Variants in GRIP1 observed in about 807,000 individuals in gnomAD.
GRIP1 encodes glutamate receptor-interacting protein 1.
A neutral mutation model predicts 129.9 loss-of-function variants in GRIP1; 45 were observed. The ratio of observed to expected loss-of-function variants is 0.35; its 90% CI spans 0.27 to 0.44. The LOEUF is 0.44. Among genes scored for constraint, GRIP1 ranks in the 20% least tolerant of loss-of-function variants. The pLI is 1.00. For synonymous variants in GRIP1, 530 were observed against 520.8 expected (o/e 1.02, Z -0.24); for missense variants, 1,196 against 1,396.8 (o/e 0.86, Z 2.29).
At chr12:66,359,733 T>C (rs190468228) in intron 23 of GRIP1, among the ~76,000 whole-genome samples, 1 of 152,320 alleles carries the variant, frequency 6.6e-6, no homozygotes, top group East Asian at 1.9e-4. Flanking sequence ...AGCCTAGTAA[T>C]GGCAAATTAA....
intron 1 of GRIP1, among the ~76,000 whole-genome samples, chr12:67,006,136 T>C (rs1565635523): frequency 6.6e-6 from 1 of 151,952 alleles, no homozygotes; most frequent in Non-Finnish European, 1.5e-5. Flanking sequence ...CGTAAATAAA[T>C]ATATAGGGAA....
At chr12:66,475,572 T>C (rs2059580618) in intron 7 of GRIP1, among the ~76,000 whole-genome samples, 2 of 152,182 alleles carry the variant, frequency 1.3e-5, no homozygotes, top group African/African-American at 2.4e-5. Context: ...CACCACATAG[T>C]TGGAAGTAAA....
At position 67,019,803 on chromosome 12, in the gene GRIP1, C is replaced by T. The variant is rs559280657; in HGVS notation, c.58+49247G>A. Among the ~76,000 whole-genome samples the T allele has an allele frequency of 1.7e-4, 25 of 151,366 alleles. No individual in the cohort carries two copies. The South Asian group carries it at 1.9e-3, about 11-fold the overall frequency. The stretch of plus-strand genomic sequence containing the variant: ...ATAAACAGTAGATTTATAATATATA[C>T]ACACACACACACGCATACACACAGG... On this transcript the variant is annotated intron_variant, in intron 1 of 1. Transcript: ENST00000643019.
At chr12:66,859,259 G>T (rs1327951572) in intron 1 of GRIP1, among the ~76,000 whole-genome samples, 4 of 21,230 alleles carry the variant, frequency 1.9e-4, no homozygotes, top group Admixed American at 1.1e-3. Flanking sequence ...CACATTTTCT[G>T]AAAAAAAACA....
At chr12:67,028,649 G>C (rs2042974304) in intron 1 of GRIP1, among the ~76,000 whole-genome samples, 1 of 152,080 alleles carries the variant, frequency 6.6e-6, no homozygotes, top group Non-Finnish European at 1.5e-5. Flanking sequence ...ATTAAATGCT[G>C]TGATTCCCTC....
At chr12:66,963,172 A>T (rs2041947339) in intron 1 of GRIP1, among the ~76,000 whole-genome samples, 1 of 151,988 alleles carries the variant, frequency 6.6e-6, no homozygotes, top group Admixed American at 6.6e-5. Context: ...AACATTAGCC[A>T]GGTGTGGTGG....
intron 1 of GRIP1, among the ~76,000 whole-genome samples, chr12:66,830,509 G>GA (rs2039497404): frequency 6.6e-6 from 1 of 152,136 alleles, no homozygotes. Context: ...AGCTGAAAAA[G>GA]GCAAGGTCTC....
At chr12:66,715,452 A>ATGTG (rs36142878) in intron 1 of GRIP1, among the ~76,000 whole-genome samples, 5,871 of 72,568 alleles carry the variant, frequency 0.081, 330 homozygotes, top group East Asian at 0.15. Flanking sequence ...TTGTAGCTTG[A>ATGTG]TGTGTGTGTG....
Position 66,914,361 on chromosome 12 carries a change from G to A in GRIP1, c.58+154689C>T, listed in dbSNP as rs112004485. On this transcript the variant is annotated intron_variant, in intron 1 of 1. Transcript: ENST00000643019. ...GCATTTACATCTTTTATTCATTCAGGTTGTCTAGAAAAAAACATGTAATGG... is the reference window on the plus strand; with the variant it reads ...GCATTTACATCTTTTATTCATTCAGATTGTCTAGAAAAAAACATGTAATGG... Among the ~76,000 whole-genome samples, 479 of 151,974 alleles carry A rather than the reference G, an allele frequency of 3.2e-3. 1 individual carries two copies. The highest frequency in any genetic ancestry group is 0.011 in the African/African-American group (457 of 41,394).
intron 2 of GRIP1, among the ~76,000 whole-genome samples, chr12:66,595,115 A>G (rs972419368): frequency 1.3e-5 from 2 of 152,208 alleles, no homozygotes; most frequent in Admixed American, 6.5e-5. Context: ...CCCTACCTTA[A>G]GAGAGATGAA....
At chr12:66,401,609 T>TATATATATATATATAC (rs1169241331) in intron 16 of GRIP1, among the ~76,000 whole-genome samples, 5,461 of 109,404 alleles carry the variant, frequency 0.05, 231 homozygotes, top group Non-Finnish European at 0.073. Flanking sequence ...TATATATATA[T>TATATATATATATATAC]ACACACACAC....
At chr12:66,538,730 G>A (rs1859244620) in intron 4 of GRIP1, among the ~76,000 whole-genome samples, 1 of 151,602 alleles carries the variant, frequency 6.6e-6, no homozygotes, top group South Asian at 2.1e-4. Context: ...AACCTCCTGA[G>A]TAACTGGGAC....
In GRIP1 at chr12:66,415,619, G is replaced by A. The variant is rs1031514723; in HGVS notation, c.1838+5101C>T. Among the ~76,000 whole-genome samples the A allele has an allele frequency of 3.3e-4, 50 of 152,154 alleles. 1 individual carries two copies. The highest frequency in any genetic ancestry group is 2.1e-4 in the South Asian group (1 of 4,822). ...TATTCTATTATAAAGATATATGCAC[G>A]CTTATGTCCACTGCAGCACTATTCA... On this transcript the variant is annotated intron_variant, in intron 15 of 24. Coordinates refer to ENST00000359742, the MANE Select transcript of GRIP1 (RefSeq NM_001366722.1).
At chr12:66,891,078 A>G (rs2040650254) in intron 1 of GRIP1, among the ~76,000 whole-genome samples, 2 of 152,264 alleles carry the variant, frequency 1.3e-5, no homozygotes, top group African/African-American at 2.4e-5. Flanking sequence ...ACTAGAAGTC[A>G]TGTATACTTC....
At chr12:66,802,026 G>A (rs1283265971) in intron 1 of GRIP1, among the ~76,000 whole-genome samples, 2 of 152,276 alleles carry the variant, frequency 1.3e-5, no homozygotes, top group South Asian at 2.1e-4. Context: ...ACTCTTTAAT[G>A]CTTTTCTACA....
intron 1 of GRIP1, among the ~76,000 whole-genome samples, chr12:66,912,644 A>C (rs1489402672): frequency 6.6e-6 from 1 of 152,192 alleles, no homozygotes; most frequent in Non-Finnish European, 1.5e-5. Flanking sequence ...ATATGTCTTC[A>C]ACAAAAATAT....
chr12:66,761,093 C>T (rs1176637901), intron 1 of GRIP1, among the ~76,000 whole-genome samples: 1 of 152,032 alleles, frequency 6.6e-6, no homozygotes, highest in African/African-American at 2.4e-5. Context: ...TGAGCACAAT[C>T]AGACATTTAC....
intron 7 of GRIP1, among the ~76,000 whole-genome samples, chr12:66,471,423 C>T (rs1352075031): frequency 6.6e-6 from 1 of 152,072 alleles, no homozygotes; most frequent in African/African-American, 2.4e-5. Flanking sequence ...TACAAGGTTT[C>T]CTTTTGGGAT....
At chr12:66,796,731 G>A (rs1373259339) in intron 1 of GRIP1, among the ~76,000 whole-genome samples, 4 of 152,064 alleles carry the variant, frequency 2.6e-5, no homozygotes, top group Non-Finnish European at 5.9e-5. Flanking sequence ...AGTAATTGCT[G>A]AATGAATAAA....
Sources: allele counts gnomAD v4.1 joint callset (sites outside exome capture counted in the v4.1 genomes callset), GRCh38; gene constraint gnomAD v4.1.1; transcripts MANE v1.5; gene names NCBI Gene and HGNC (gene_info 2026-07-23, HGNC 2026-07-21).